The following CDH13 variants were observed in gnomAD, a reference collection of about 807,000 sequenced individuals.
CDH13 encodes the protein cadherin-13.
Under a neutral mutation model 63.8 loss-of-function variants are expected in CDH13, and 24 were observed. The observed-to-expected ratio is 0.38, with a 90% CI of 0.27 to 0.53. CDH13 has a LOEUF of 0.53. CDH13 is among the 20% of genes least tolerant of loss of function. The pLI, the probability that CDH13 is intolerant of heterozygous loss-of-function variation, is 0.85. For synonymous variants in CDH13, 503 were observed against 355.3 expected (o/e 1.42, Z -4.67); for missense variants, 1,049 against 903.1 (o/e 1.16, Z -2.07).
chr16:82,749,369 C>T (rs1333543609), intron 1 of CDH13, among the ~76,000 whole-genome samples: 7 of 152,030 alleles, frequency 4.6e-5, no homozygotes, highest in Admixed American at 2.0e-4. Flanking sequence ...GTCTCACTTA[C>T]GAGTAATAGT....
chr16:83,459,095 T>C (rs966676334), intron 6 of CDH13, among the ~76,000 whole-genome samples: 2 of 152,202 alleles, frequency 1.3e-5, no homozygotes, highest in Non-Finnish European at 2.9e-5. Context: ...ATACCAACTT[T>C]TTGTTTGTTT....
At chr16:82,699,581 A>G (rs2030737652) in intron 1 of CDH13, among the ~76,000 whole-genome samples, 1 of 152,240 alleles carries the variant, frequency 6.6e-6, no homozygotes, top group Non-Finnish European at 1.5e-5. Flanking sequence ...AGAACCTTTT[A>G]GAAATGGTAT....
chr16:83,645,864 C>G (rs1298696533), intron 8 of CDH13, among the ~76,000 whole-genome samples: 1 of 152,116 alleles, frequency 6.6e-6, no homozygotes, highest in Non-Finnish European at 1.5e-5. Flanking sequence ...CAAAAAGATC[C>G]TTCATCATAC....
At chr16:83,529,488 C>T (rs1278933324) in intron 7 of CDH13, among the ~76,000 whole-genome samples, 1 of 152,076 alleles carries the variant, frequency 6.6e-6, no homozygotes, top group Non-Finnish European at 1.5e-5. Context: ...TACTATATGG[C>T]TTTAAAAAAT....
chr16:82,715,594 C>T (rs1229696743), intron 1 of CDH13, among the ~76,000 whole-genome samples: 1 of 152,048 alleles, frequency 6.6e-6, no homozygotes, highest in Non-Finnish European at 1.5e-5. Context: ...ATAGGGTAGC[C>T]AAACAGGAAT....
chr16:83,276,618 C>A (rs1276314273), intron 5 of CDH13, among the ~76,000 whole-genome samples: 1 of 152,100 alleles, frequency 6.6e-6, no homozygotes. Context: ...CGCCTGTAAT[C>A]CCAGCACTTT....
intron 3 of CDH13, among the ~76,000 whole-genome samples, chr16:83,118,016 C>G (rs1441947854): frequency 6.6e-6 from 1 of 152,176 alleles, no homozygotes; most frequent in East Asian, 1.9e-4. Flanking sequence ...TGACAGTCCT[C>G]CTCTAATAGA....
chr16:82,804,361 T>C (rs1412508326), intron 1 of CDH13, among the ~76,000 whole-genome samples: 1 of 151,792 alleles, frequency 6.6e-6, no homozygotes, highest in African/African-American at 2.4e-5. Flanking sequence ...TTAGAGGTGA[T>C]GGATATATTT....
intron 1 of CDH13, among the ~76,000 whole-genome samples, chr16:82,787,353 A>G (rs868451780): frequency 1.3e-5 from 2 of 152,356 alleles, no homozygotes; most frequent in Middle Eastern, 3.4e-3. Context: ...AAACAGCAGC[A>G]CATATGTCCT....
intron 6 of CDH13, among the ~76,000 whole-genome samples, chr16:83,470,482 G>C (rs2073426017): frequency 6.6e-6 from 1 of 152,120 alleles, no homozygotes; most frequent in Non-Finnish European, 1.5e-5. Context: ...CTTTAGCTTT[G>C]TCCTTTCTGA....
At chr16:83,310,689 T>C (rs1165777938) in intron 5 of CDH13, among the ~76,000 whole-genome samples, 4 of 152,190 alleles carry the variant, frequency 2.6e-5, no homozygotes, top group Non-Finnish European at 5.9e-5. Context: ...CTGGTGCTTG[T>C]ACAATGGGTT....
intron 2 of CDH13, among the ~76,000 whole-genome samples, chr16:82,967,844 T>C (rs1181556857): frequency 6.6e-6 from 1 of 152,224 alleles, no homozygotes; most frequent in Non-Finnish European, 1.5e-5. Flanking sequence ...TTCTCCTATA[T>C]AAACTTAATT....
intron 7 of CDH13, among the ~76,000 whole-genome samples, chr16:83,540,766 A>G (rs1280642317): frequency 6.6e-6 from 1 of 152,166 alleles, no homozygotes; most frequent in Non-Finnish European, 1.5e-5. Flanking sequence ...CACAGCTGGA[A>G]TTACAGGCAT....
chr16:82,793,418 A>G (rs1181760919), intron 1 of CDH13, among the ~76,000 whole-genome samples: 1 of 151,202 alleles, frequency 6.6e-6, no homozygotes, highest in Non-Finnish European at 1.5e-5. Flanking sequence ...GTCCAAATGA[A>G]AAAGCATTTA....
At chr16:82,666,845 C>A (rs900078752) in intron 1 of CDH13, among the ~76,000 whole-genome samples, 2 of 152,190 alleles carry the variant, frequency 1.3e-5, no homozygotes, top group Non-Finnish European at 2.9e-5. Flanking sequence ...TTCCCACCAT[C>A]CAAACGATGC....
At chr16:83,212,257 C>G (rs1321898598) in intron 4 of CDH13, among the ~76,000 whole-genome samples, 1 of 152,112 alleles carries the variant, frequency 6.6e-6, no homozygotes, top group African/African-American at 2.4e-5. Flanking sequence ...TTGCATACCT[C>G]CCATCCCCCA....
intron 1 of CDH13, among the ~76,000 whole-genome samples, chr16:82,810,541 T>G (rs932519947): frequency 9.2e-5 from 14 of 152,156 alleles, no homozygotes; most frequent in African/African-American, 2.7e-4. Flanking sequence ...AAGGGTGCTT[T>G]TCTGTGGTGG....
intron 3 of CDH13, chr16:83,032,441 C>A (rs1242057196): frequency 3.7e-6 from 2 of 535,694 alleles, no homozygotes; most frequent in East Asian, 6.3e-5. Flanking sequence ...ATTCATGGAA[C>A]TATTTTAGGG....
chr16:83,659,722 G>A (rs1913263210), intron 8 of CDH13, among the ~76,000 whole-genome samples: 1 of 151,824 alleles, frequency 6.6e-6, no homozygotes, highest in African/African-American at 2.4e-5. Flanking sequence ...AGTGAACTGG[G>A]ACTCAGAGAT....
Sources: gnomAD v4.1 joint callset for allele counts (sites outside exome capture counted in the v4.1 genomes callset) on GRCh38, gnomAD v4.1.1 for gene constraint, MANE v1.5 for transcripts, NCBI Gene and HGNC (gene_info 2026-07-23, HGNC 2026-07-21) for gene names.